TCF23: variants seen among roughly 807,000 people sequenced by gnomAD.
The protein encoded by TCF23 is class A basic helix-loop-helix protein 24.
In TCF23, 7 loss-of-function variants were observed where a neutral mutation model predicts 13.0. That is an observed-to-expected ratio of 0.54 (90% CI 0.31 to 1.01). The LOEUF (loss-of-function observed/expected upper bound fraction) is 1.01, where lower values mean the gene tolerates loss of function less well. Among genes scored for constraint, TCF23 ranks in the 50% least tolerant of loss-of-function variants. The probability of loss-of-function intolerance (pLI) is 0.06; values close to 1 mark genes in which losing one functional copy is unlikely to be tolerated. For synonymous variants in TCF23, 122 were observed against 119.5 expected (o/e 1.02, Z -0.14); for missense variants, 257 against 289.8 (o/e 0.89, Z 0.82).
intron 2 of TCF23, among the ~76,000 whole-genome samples, chr2:27,151,851 G>C (rs984276942): frequency 1.3e-5 from 2 of 150,538 alleles, no homozygotes; most frequent in African/African-American, 2.4e-5. Context: ...TTGTTCCACA[G>C]GCTTGTCTCA....
rs1475135374 is a variant in TCF23, at chr2:27,154,148, G to C, written c.*1281G>C. 6.6e-6 allele frequency: 1 copy of C among 152,214 alleles called. No homozygotes were observed. Among genetic ancestry groups the C allele is most frequent in the Non-Finnish European group, 1.5e-5 (1 of 68,048 alleles). The allele number at this position is 152,214 out of a possible 1,614,324, so 9.4% of individuals were successfully genotyped here. On this transcript the variant is annotated 3_prime_UTR_variant, in exon 3 of 3. Coordinates refer to ENST00000296096, the MANE Select transcript of TCF23 (RefSeq NM_175769.3). ...TCCTACCATGGGGTGCCAGAAATGT[G>C]ATATAGCTTCGGTGAAACTCATCTC...
Position 27,152,964 on chromosome 2 carries a change from G to T in TCF23, c.*97G>T. ...ATTCTCAGCCATCAGACTTGACTCAGACTCAGCTCCCAAGTTCCAGCATGC... is the reference window on the plus strand; with the variant it reads ...ATTCTCAGCCATCAGACTTGACTCATACTCAGCTCCCAAGTTCCAGCATGC... On this transcript the variant is annotated 3_prime_UTR_variant, in exon 3 of 3. Coordinates refer to ENST00000296096, the MANE Select transcript of TCF23 (RefSeq NM_175769.3). The T allele has an allele frequency of 1.3e-6, 2 of 1,536,276 alleles. No homozygotes were observed. The highest frequency in any genetic ancestry group is 2.6e-5 in the South Asian group (2 of 77,516).
rs967921869 is a variant in TCF23 at position 27,152,874 on chromosome 2, C to T, written c.*7C>T. 2 of 1,611,590 alleles carry T rather than the reference C, an allele frequency of 1.2e-6. No homozygotes were observed. The highest frequency in any genetic ancestry group is 1.3e-5 in the African/African-American group (1 of 74,876). On this transcript the variant is annotated 3_prime_UTR_variant, in exon 3 of 3. Coordinates refer to ENST00000296096, the MANE Select transcript of TCF23 (RefSeq NM_175769.3). ...AGCTCTTGGTGACAAATAATTATCA[C>T]ACTCGCCCTTTTCTCCTAGACTGTG...
rs1473842870 is a variant in TCF23 at position 27,149,184 on chromosome 2, T to C, written c.51T>C (p.His17=). 3 of 1,551,956 alleles carry C rather than the reference T, an allele frequency of 1.9e-6. No individual in the cohort carries two copies. Among genetic ancestry groups the C allele is most frequent in the Non-Finnish European group, 8.7e-7 (1 of 1,147,712 alleles). The stretch of plus-strand genomic sequence containing the variant: ...CACCAGCCATGCCAGGGGTGGGGCA[T>C]AGCCAGACTCAGGCCAAAGCACGGT... ...RGPPAMPGVG[H]SQTQAKARLL... is the part of the protein sequence containing the mutation. The change falls in exon 1 of 3, where the codon CAT becomes CAC. Residue 17 remains histidine, a synonymous_variant. Coordinates refer to ENST00000296096, the MANE Select transcript of TCF23 (RefSeq NM_175769.3).
intron 2 of TCF23, among the ~76,000 whole-genome samples, chr2:27,151,804 T>C (rs569587555): frequency 6.6e-6 from 1 of 151,916 alleles, no homozygotes; most frequent in Non-Finnish European, 1.5e-5. Context: ...CCTGGCTTTT[T>C]TTTTTCTTTT....
rs775427323 is a variant in TCF23, at chr2:27,149,466, G to A, written c.222+111G>A. The A allele has an allele frequency of 6.6e-5, 71 of 1,078,940 alleles. 1 individual carries two copies. The highest frequency in any genetic ancestry group is 8.0e-5 in the Non-Finnish European group (60 of 746,842). 66.8% of individuals were successfully genotyped at this position (1,078,940 alleles called of 1,614,324 possible). A position where few individuals can be genotyped will look rare whatever the true frequency, so the allele number is the denominator to read the frequency against. On this transcript the variant is annotated intron_variant, in intron 1 of 2. Coordinates refer to ENST00000296096, the MANE Select transcript of TCF23 (RefSeq NM_175769.3). ...ACTCAGTATTACCATTCCTGCCCAAGAGAGGGGACACTGGCCCCTTAGACT... is the reference window on the plus strand; with the variant it reads ...ACTCAGTATTACCATTCCTGCCCAAAAGAGGGGACACTGGCCCCTTAGACT...
intron 1 of TCF23, chr2:27,149,908 T>C (rs1242946859): frequency 2.8e-6 from 2 of 717,538 alleles, no homozygotes; most frequent in African/African-American, 3.5e-5. Flanking sequence ...AGCTCTGCCA[T>C]CCTGCAGCCA....
rs993111209 is a variant in TCF23, at chr2:27,152,632, G to A, written c.466-56G>A. ...CTGGGTTTTGGGTGTCAAGGATCCT[G>A]GACCACGAAGGGCTGCAATAGCAGC... is the stretch of plus-strand genomic sequence containing the variant. On this transcript the variant is annotated intron_variant, in intron 2 of 2. Coordinates refer to ENST00000296096, the MANE Select transcript of TCF23 (RefSeq NM_175769.3). The A allele has an allele frequency of 6.3e-6, 10 of 1,577,596 alleles. No individual in the cohort carries two copies. The Admixed American group carries it at 1.7e-4, about 28-fold the overall frequency.
At position 27,150,869 on chromosome 2, in the gene TCF23, G is replaced by A. The variant is rs908024236; in HGVS notation, c.465+504G>A. ...GCAGGCAGCAGTACAGGGAAGGCGCGCACCACTTGCCAGACTGCAATCTAG... is the reference window on the plus strand; with the variant it reads ...GCAGGCAGCAGTACAGGGAAGGCGCACACCACTTGCCAGACTGCAATCTAG... On this transcript the variant is annotated intron_variant, in intron 2 of 2. Transcript: ENST00000296096. The surrounding 1 kb of genome is among the most constrained non-coding windows in gnomAD (Gnocchi z 4.1). 2.6e-5 allele frequency among the ~76,000 whole-genome samples: 4 copies of A among 152,114 alleles called. No individual in the cohort carries two copies. Among genetic ancestry groups the A allele is most frequent in the East Asian group, 1.9e-4 (1 of 5,182 alleles).
chr2:27,149,301 C>T lies in TCF23; in HGVS notation c.168C>T (p.Ser56=), dbSNP rs1257085676. 1.3e-6 allele frequency: 2 copies of T among 1,597,174 alleles called. No homozygotes were observed. The highest frequency in any genetic ancestry group is 1.7e-5 in the Admixed American group (1 of 57,344). The part of the protein sequence containing the change: ...EERSWSNQRW[S]RATPGPRGTR... ...GAAGCTGGAGCAACCAGAGATGGAG[C>T]AGAGCTACCCCTGGCCCTCGAGGGA... is the stretch of plus-strand genomic sequence containing the variant. Residue 56 remains serine (S), a synonymous_variant, in exon 1 of 3, where the codon AGC becomes AGT. Coordinates refer to ENST00000296096, the MANE Select transcript of TCF23 (RefSeq NM_175769.3).
rs943104452 is a variant in TCF23, at chr2:27,152,548, T to C, written c.466-140T>C. On this transcript the variant is annotated intron_variant, in intron 2 of 2. Transcript: ENST00000296096. ...GAATGTGTGGGGCTGTACATGATGA[T>C]GACCCTGATCAGAGCAGTGATGGCT... is the stretch of plus-strand genomic sequence containing the variant. 32 of 932,928 alleles carry C rather than the reference T, an allele frequency of 3.4e-5. No homozygotes were observed. The African/African-American group carries it at 5.3e-4, about 15-fold the overall frequency. 57.8% of individuals were successfully genotyped at this position (932,928 alleles called of 1,614,324 possible). A position where few individuals can be genotyped will look rare whatever the true frequency, so the allele number is the denominator to read the frequency against.
Position 27,149,145 on chromosome 2 carries a change from G to T in TCF23, c.12G>T (p.Arg4Ser). The T allele has an allele frequency of 1.9e-6, 3 of 1,549,960 alleles. No individual in the cohort carries two copies. Among genetic ancestry groups the T allele is most frequent in the Non-Finnish European group, 2.6e-6 (3 of 1,147,032 alleles). Residue 4 changes from arginine (R) to serine (S), a missense_variant, in exon 1 of 3, where the codon AGG becomes AGT. By Grantham distance (110) the Arg-to-Ser change is moderately radical (BLOSUM62 -1). Transcript: ENST00000296096. MSQ[R>S]KARGPPAMPG... The stretch of plus-strand genomic sequence containing the variant: ...CCCAGTGGGGTGGCATGTCACAGAG[G>T]AAGGCCAGAGGGCCACCAGCCATGC...
rs1329835646 is a variant in TCF23, at chr2:27,152,773, G to A, written c.551G>A (p.Arg184Lys). 1.2e-6 allele frequency: 2 copies of A among 1,614,158 alleles called. No homozygotes were observed. Among genetic ancestry groups the A allele is most frequent in the East Asian group, 2.2e-5 (1 of 44,874 alleles). Reference sequence around the variant, plus strand: ...ACCACAGCCAGCACCCCCAGCCAAAGAACAAGAGATGCAGAGGTGGGGTCC... The same window carrying A: ...ACCACAGCCAGCACCCCCAGCCAAAAAACAAGAGATGCAGAGGTGGGGTCC... ...DSTTASTPSQ[R>K]TRDAEVGSQV... The change falls in exon 3 of 3, where the codon AGA (arginine) becomes AAA (lysine). Residue 184 changes from arginine to lysine, a missense_variant. Physicochemically the swap from Arg to Lys is conservative, Grantham distance 26 (BLOSUM62 2). Coordinates refer to ENST00000296096, the MANE Select transcript of TCF23 (RefSeq NM_175769.3).
rs2148428569 is a variant in TCF23 at position 27,149,106 on chromosome 2, C to T, written c.-28C>T. Reference sequence around the variant, plus strand: ...CCTCCTCAGGCACTGTGTTTCTGCTCTGTGGGCTGCAGCCCCAGTGGGGTG... The same window carrying T: ...CCTCCTCAGGCACTGTGTTTCTGCTTTGTGGGCTGCAGCCCCAGTGGGGTG... On this transcript the variant is annotated 5_prime_UTR_variant, in exon 1 of 3. Transcript: ENST00000296096. 6.5e-7 allele frequency: 1 copy of T among 1,545,688 alleles called. No homozygotes were observed. The highest frequency in any genetic ancestry group is 2.4e-5 in the East Asian group (1 of 40,970).
At position 27,155,548 on chromosome 2, in the gene TCF23, GC is replaced by G. The variant is rs1672824227; in HGVS notation, c.*2683del. ...AGGTCAGGAGTTCGAGACCAGCCTC[GC>G]CAACATGATGAAACCCCTTCTTTAC... is the stretch of plus-strand genomic sequence containing the variant. On this transcript the variant is annotated 3_prime_UTR_variant, in exon 3 of 3. Coordinates refer to ENST00000296096, the MANE Select transcript of TCF23 (RefSeq NM_175769.3). 6.6e-6 allele frequency: 1 copy of G among 152,020 alleles called. No homozygotes were observed. Among genetic ancestry groups the G allele is most frequent in the African/African-American group, 2.4e-5 (1 of 41,400 alleles). The allele number at this position is 152,020 out of a possible 1,614,324, so 9.4% of individuals were successfully genotyped here.
At position 27,152,710 on chromosome 2, in the gene TCF23, T is replaced by C. The variant is rs1229721112; in HGVS notation, c.488T>C (p.Leu163Pro). 1 of 1,613,986 alleles carries C rather than the reference T, an allele frequency of 6.2e-7. No homozygotes were observed. ...PLKKWPMRSR[L>P]YAGGLGYSDL... ...CAGAAGTGGCCGATGCGATCTCGTC[T>C]CTATGCTGGAGGCCTGGGGTACTCC... Residue 163 changes from leucine (L) to proline (P), a missense_variant, in exon 3 of 3, where the codon CTC becomes CCC. Transcript: ENST00000296096.
Position 27,149,320 on chromosome 2 carries a change from C to T in TCF23, c.187C>T (p.Arg63Ter), listed in dbSNP as rs371126546. 3.8e-6 allele frequency: 6 copies of T among 1,591,614 alleles called. No individual in the cohort carries two copies. Among genetic ancestry groups the T allele is most frequent in the African/African-American group, 2.7e-5 (2 of 74,482 alleles). Residue 63 changes from arginine to a stop codon, truncating the protein, a stop_gained, in exon 1 of 3, where the codon CGA becomes TGA. Coordinates refer to ENST00000296096, the MANE Select transcript of TCF23 (RefSeq NM_175769.3). LOFTEE classifies it high-confidence loss of function. ...ATGGAGCAGAGCTACCCCTGGCCCT[C>T]GAGGGACCAGGGCTGGGGGCCTGGC... ...QRWSRATPGP[R>*]GTRAGGLALG...
Position 27,150,225 on chromosome 2 carries a change from G to A in TCF23, c.325G>A (p.Asp109Asn), listed in dbSNP as rs1403575807. ...LQAALPAVPP[D>N]TKLSKLDVLV... ...GGCTGCTCTGCCTGCCGTGCCGCCC[G>A]ACACCAAGCTCTCCAAGTTGGACGT... The change falls in exon 2 of 3, where the codon GAC becomes AAC. Residue 109 changes from aspartate to asparagine, a missense_variant. Asp to Asn is a conservative substitution (Grantham distance 23). Transcript: ENST00000296096. This position sits in a 1 kb window ranked among gnomAD's most constrained non-coding sequence, Gnocchi z 4.1. 7.4e-6 allele frequency: 12 copies of A among 1,613,248 alleles called. No homozygotes were observed. The highest frequency in any genetic ancestry group is 1.7e-5 in the Admixed American group (1 of 60,000).
chr2:27,149,092 ACT>A lies in TCF23; in HGVS notation c.-41_-40del. ...GCTTGAGTCCAAGGCCTCCTCAGGCACTGTGTTTCTGCTCTGTGGGCTGCAGC... is the reference window on the plus strand; with the variant it reads ...GCTTGAGTCCAAGGCCTCCTCAGGCAGTGTTTCTGCTCTGTGGGCTGCAGC... On this transcript the variant is annotated 5_prime_UTR_variant, in exon 1 of 3. Transcript: ENST00000296096. 6.5e-7 allele frequency: 1 copy of A among 1,532,264 alleles called. No individual in the cohort carries two copies. The highest frequency in any genetic ancestry group is 1.2e-5 in the South Asian group (1 of 83,062). The allele number at this position is 1,532,264 out of a possible 1,614,324, so 94.9% of individuals were successfully genotyped here.
Sources: allele counts gnomAD v4.1 joint callset (sites outside exome capture counted in the v4.1 genomes callset), GRCh38; gene constraint gnomAD v4.1.1; non-coding constraint Gnocchi (gnomAD v3.1); transcripts MANE v1.5; gene names NCBI Gene and HGNC (gene_info 2026-07-23, HGNC 2026-07-21).